PDGFC: variants seen among roughly 807,000 people sequenced by gnomAD.
The protein encoded by PDGFC is platelet derived growth factor C.
Under a neutral mutation model 35.5 loss-of-function variants are expected in PDGFC, and 12 were observed. The ratio of observed to expected loss-of-function variants is 0.34; its 90% CI spans 0.22 to 0.55. The LOEUF (loss-of-function observed/expected upper bound fraction) is 0.55, where lower values mean the gene tolerates loss of function less well. Among genes scored for constraint, PDGFC ranks in the 20% least tolerant of loss-of-function variants. The pLI is 0.91. For synonymous variants in PDGFC, 159 were observed against 148.8 expected (o/e 1.07, Z -0.50); for missense variants, 322 against 412.4 (o/e 0.78, Z 1.90).
At chr4:156,788,348 G>A (rs546106872) in intron 3 of PDGFC, among the ~76,000 whole-genome samples, 1 of 152,240 alleles carries the variant, frequency 6.6e-6, no homozygotes, top group Admixed American at 6.5e-5. Flanking sequence ...TTGTTACTAA[G>A]GCCCTTTAAG....
chr4:156,903,730 T>C (rs146777173), intron 1 of PDGFC, among the ~76,000 whole-genome samples: 2,485 of 152,246 alleles, frequency 0.016, 74 homozygotes, highest in African/African-American at 0.057. Context: ...AATTAGTGTG[T>C]CTTCCCAAAT....
At chr4:156,792,887 C>T (rs1731334898) in intron 3 of PDGFC, among the ~76,000 whole-genome samples, 1 of 152,086 alleles carries the variant, frequency 6.6e-6, no homozygotes, top group Non-Finnish European at 1.5e-5. Flanking sequence ...ATGAAGGAAA[C>T]CCTCACCTTC....
chr4:156,964,194 C>T (rs1398942188), intron 1 of PDGFC, among the ~76,000 whole-genome samples: 2 of 151,664 alleles, frequency 1.3e-5, no homozygotes, highest in South Asian at 2.1e-4. Flanking sequence ...AGAAAGTTTC[C>T]TTGTGGAACC....
chr4:156,967,146 T>C (rs1034266979), intron 1 of PDGFC, among the ~76,000 whole-genome samples: 1 of 152,090 alleles, frequency 6.6e-6, no homozygotes, highest in Non-Finnish European at 1.5e-5. Flanking sequence ...TTAGAGCCTA[T>C]TTACTCTTGG....
chr4:156,933,649 G>A (rs1384495653), intron 1 of PDGFC, among the ~76,000 whole-genome samples: 7 of 152,150 alleles, frequency 4.6e-5, no homozygotes, highest in Middle Eastern at 3.2e-3. Flanking sequence ...GTTTGGCTCT[G>A]TGTCCCCACC....
chr4:156,907,015 C>A (rs1477596944), intron 1 of PDGFC, among the ~76,000 whole-genome samples: 1 of 152,118 alleles, frequency 6.6e-6, no homozygotes, highest in Non-Finnish European at 1.5e-5. Context: ...AGAAAATGTA[C>A]TTTTGTCTAA....
At position 156,956,301 on chromosome 4, in the gene PDGFC, GA is replaced by G; in HGVS notation, c.118+14484del. Among the ~76,000 whole-genome samples the G allele has an allele frequency of 2.6e-5, 4 of 152,126 alleles. 1 individual carries two copies. Among genetic ancestry groups the G allele is most frequent in the Admixed American group, 2.6e-4 (4 of 15,258 alleles). Reference sequence around the variant, plus strand: ...AGTAGCCATGGAGAACAACAATGTAGACTTTCCTTACTCAAAGTTTGGTCCT... The same window carrying G: ...AGTAGCCATGGAGAACAACAATGTAGCTTTCCTTACTCAAAGTTTGGTCCT... On this transcript the variant is annotated intron_variant, in intron 1 of 5. Coordinates refer to ENST00000502773, the MANE Select transcript of PDGFC (RefSeq NM_016205.3).
chr4:156,812,069 A>C (rs1227028521), intron 2 of PDGFC, among the ~76,000 whole-genome samples: 2 of 152,064 alleles, frequency 1.3e-5, no homozygotes, highest in Non-Finnish European at 2.9e-5. Flanking sequence ...TGTTTTAGTT[A>C]AGATAAATTT....
At chr4:156,811,068 G>A in intron 2 of PDGFC, 51 bp from the exon 3 acceptor site, 2 of 1,253,780 alleles carry the variant, frequency 1.6e-6, no homozygotes. Flanking sequence ...TGTTATTCTG[G>A]CAATTACAAG....
At position 156,811,011 on chromosome 4, in the gene PDGFC, A is replaced by G; in HGVS notation, c.321T>C (p.Asp107=). 6.4e-7 allele frequency: 1 copy of G among 1,564,494 alleles called. No homozygotes were observed. The highest frequency in any genetic ancestry group is 8.6e-7 in the Non-Finnish European group (1 of 1,158,102). ...EDPEDDICKY[D]FVEVEEPSDG... ...CACTGGGTTCCTCAACTTCTACAAAATCATACCTGCAAAAAGACAAAGGGA... is the reference window on the plus strand; with the variant it reads ...CACTGGGTTCCTCAACTTCTACAAAGTCATACCTGCAAAAAGACAAAGGGA... Residue 107 remains aspartate (D), a synonymous_variant, in exon 3 of 6, where the codon GAT becomes GAC. Transcript: ENST00000502773.
chr4:156,784,390 C>T (rs2110857985), intron 3 of PDGFC, among the ~76,000 whole-genome samples: 2 of 152,144 alleles, frequency 1.3e-5, no homozygotes, highest in South Asian at 4.2e-4. Flanking sequence ...GGGAGAATAA[C>T]ATCAAAGTAA....
chr4:156,926,564 C>A (rs919679750), intron 1 of PDGFC, among the ~76,000 whole-genome samples: 1 of 152,164 alleles, frequency 6.6e-6, no homozygotes, highest in African/African-American at 2.4e-5. Flanking sequence ...AACAAAGGGG[C>A]GACCAGCCCC....
At chr4:156,856,764 A>G (rs1039858252) in intron 1 of PDGFC, among the ~76,000 whole-genome samples, 3 of 152,132 alleles carry the variant, frequency 2.0e-5, no homozygotes, top group Non-Finnish European at 4.4e-5. Context: ...GACGCTGTAT[A>G]TGATAAAGAT....
At chr4:156,830,392 C>T (rs754859359) in intron 2 of PDGFC, among the ~76,000 whole-genome samples, 1 of 152,270 alleles carries the variant, frequency 6.6e-6, no homozygotes, top group East Asian at 1.9e-4. Context: ...CACTGTGCAT[C>T]CTTTCCCTGC....
chr4:156,952,673 C>T (rs1006113666), intron 1 of PDGFC, among the ~76,000 whole-genome samples: 3 of 151,856 alleles, frequency 2.0e-5, no homozygotes, highest in Non-Finnish European at 4.4e-5. Context: ...AAACATTTAA[C>T]AAATTGATCT....
intron 1 of PDGFC, among the ~76,000 whole-genome samples, chr4:156,899,931 T>C (rs549886054): frequency 1.3e-5 from 2 of 152,338 alleles, no homozygotes; most frequent in African/African-American, 4.8e-5. Context: ...GAACCAGGCA[T>C]AGCTGAGCAC....
At chr4:156,833,838 A>G (rs954006249) in intron 2 of PDGFC, among the ~76,000 whole-genome samples, 1 of 152,168 alleles carries the variant, frequency 6.6e-6, no homozygotes, top group African/African-American at 2.4e-5. Context: ...CTACTCCTTG[A>G]AGGACTGCTG....
chr4:156,813,329 A>G (rs1731993037), intron 2 of PDGFC, among the ~76,000 whole-genome samples: 1 of 152,108 alleles, frequency 6.6e-6, no homozygotes, highest in Admixed American at 6.6e-5. Context: ...CTGCTCTGCT[A>G]GATTCTCAGG....
intron 1 of PDGFC, among the ~76,000 whole-genome samples, chr4:156,872,505 A>G (rs1419672650): frequency 6.6e-6 from 1 of 151,926 alleles, no homozygotes; most frequent in East Asian, 1.9e-4. Flanking sequence ...CTTAGTACAC[A>G]CTCCTCTCAT....
Sources: gnomAD v4.1 joint callset for allele counts (sites outside exome capture counted in the v4.1 genomes callset) on GRCh38, gnomAD v4.1.1 for gene constraint, MANE v1.5 for transcripts, NCBI Gene and HGNC (gene_info 2026-07-23, HGNC 2026-07-21) for gene names.